The following ZNF415 variants were observed in gnomAD, a reference collection of about 807,000 sequenced individuals.
ZNF415 encodes the protein zinc finger protein 415.
Under a neutral mutation model 7.3 loss-of-function variants are expected in ZNF415, and 5 were observed. The ratio of observed to expected loss-of-function variants is 0.69; its 90% CI spans 0.36 to 1.44. The LOEUF (loss-of-function observed/expected upper bound fraction) is 1.44. ZNF415 is among the 40% of genes most tolerant of loss of function. ZNF415 has a pLI of 0.04. For synonymous variants in ZNF415, 207 were observed against 226.3 expected, an observed-to-expected ratio of 0.91 and a Z score of 0.77; for missense variants, 628 against 664.8, an observed-to-expected ratio of 0.94 and a Z score of 0.61.
chr19:53,130,034 C>A, intron 1 of ZNF415, among the ~76,000 whole-genome samples: 1 of 148,696 alleles, frequency 6.7e-6, no homozygotes, highest in African/African-American at 2.5e-5. Context: ...CACTGTACTC[C>A]AGCCTGGGTG....
chr19:53,127,347 C>T (rs976272598), intron 1 of ZNF415, among the ~76,000 whole-genome samples: 5 of 152,158 alleles, frequency 3.3e-5, no homozygotes, highest in African/African-American at 4.8e-5. Flanking sequence ...AGCCCGGCTA[C>T]GAAATTTCGC....
At position 53,110,776 on chromosome 19, in the gene ZNF415, G is replaced by C. The variant is rs573266080; in HGVS notation, c.137-868C>G. 4.6e-5 allele frequency among the ~76,000 whole-genome samples: 7 copies of C among 152,294 alleles called. No individual in the cohort carries two copies. In the East Asian group the frequency reaches 1.4e-3, roughly 29 times the overall value. The stretch of plus-strand genomic sequence containing the variant: ...AGATCTCTGACATTTGATGCATGAG[G>C]TCAGGTAAACACATAGCATTATAAA... On this transcript the variant is annotated intron_variant, in intron 3 of 3. Transcript: ENST00000243643.
intron 3 of ZNF415, chr19:53,115,344 A>AG (rs898910152): frequency 4.8e-5 from 10 of 209,156 alleles, no homozygotes; most frequent in African/African-American, 2.1e-4. Flanking sequence ...TCAAAAAAAA[A>AG]AGAACAACAG....
rs144066088 is a variant in ZNF415, at chr19:53,109,178, T to C, written c.867A>G (p.Leu289=). 3.8e-4 allele frequency: 619 copies of C among 1,614,092 alleles called. No individual in the cohort carries two copies. Among genetic ancestry groups the C allele is most frequent in the Non-Finnish European group, 4.8e-4 (568 of 1,180,006 alleles). ...TCTCTCCAGTGTGAACTCTCCGATG[T>C]AGTGCAAGGCATGAGTTGCGACTGA... is the stretch of plus-strand genomic sequence containing the variant. ...RSFSRNSCLA[L]HRRVHTGEKP... Residue 289 remains leucine, a synonymous_variant, in exon 4 of 4, where the codon CTA becomes CTG. Coordinates refer to ENST00000243643, the MANE Select transcript of ZNF415 (RefSeq NM_018355.4).
At chr19:53,130,216 T>C (rs1422920480) in intron 1 of ZNF415, among the ~76,000 whole-genome samples, 1 of 152,136 alleles carries the variant, frequency 6.6e-6, no homozygotes, top group Non-Finnish European at 1.5e-5. Context: ...AAGAAGAAAA[T>C]TGAATAATAG....
intron 3 of ZNF415, among the ~76,000 whole-genome samples, chr19:53,114,774 C>G (rs2086754318): frequency 6.6e-6 from 1 of 152,178 alleles, no homozygotes; most frequent in South Asian, 2.1e-4. Flanking sequence ...ACTCCCTCCC[C>G]TGGTCCACAC....
intron 3 of ZNF415, chr19:53,115,697 G>A (rs552321944): frequency 6.5e-7 from 1 of 1,546,944 alleles, no homozygotes; most frequent in African/African-American, 1.4e-5. Flanking sequence ...CTCATCTGAG[G>A]TCTTACCTGT....
chr19:53,118,762 A>G (rs898040328), intron 2 of ZNF415, among the ~76,000 whole-genome samples: 1 of 152,172 alleles, frequency 6.6e-6, no homozygotes, highest in Non-Finnish European at 1.5e-5. Flanking sequence ...AAAAATGGAA[A>G]CACAATATGT....
rs1441857424 is a variant in ZNF415 at position 53,108,377 on chromosome 19, T to C, written c.1668A>G (p.Ter556=). ...HTKEKPYKRN[*] ...AACTTTGACTGAAGACCTTGCCATA[T>C]TAATTTCTTTTATAAGGTTTCTCCT... The change falls in exon 4 of 4, where the codon TAA becomes TAG. Residue 556 remains the stop codon, a stop_retained_variant. Coordinates refer to ENST00000243643, the MANE Select transcript of ZNF415 (RefSeq NM_018355.4). 5.0e-5 allele frequency: 79 copies of C among 1,594,708 alleles called. No individual in the cohort carries two copies. The highest frequency in any genetic ancestry group is 6.5e-5 in the Non-Finnish European group (76 of 1,171,108).
chr19:53,123,889 G>T (rs1320908212), intron 1 of ZNF415: 1 of 256,088 alleles, frequency 3.9e-6, no homozygotes, highest in African/African-American at 2.2e-5. Context: ...AGGGAGTCAG[G>T]AAGTCACTTT....
At position 53,115,839 on chromosome 19, in the gene ZNF415, T is replaced by C. The variant is rs1286508127; in HGVS notation, c.136+474A>G. 4 of 1,508,496 alleles carry C rather than the reference T, an allele frequency of 2.7e-6. No homozygotes were observed. In the African/African-American group the frequency reaches 5.5e-5, roughly 21 times the overall value. 93.4% of individuals were successfully genotyped at this position (1,508,496 alleles called of 1,614,324 possible). On this transcript the variant is annotated intron_variant, in intron 3 of 3. Transcript: ENST00000243643. ...GGTCAGGAAGAGAATTTCCCGCTTA[T>C]AAAATGAATGGAACATGATGTGCTG...
At chr19:53,115,992 T>C in intron 3 of ZNF415, 1 of 626,164 alleles carries the variant, frequency 1.6e-6, no homozygotes, top group Non-Finnish European at 2.8e-6. Flanking sequence ...GACTGTAATA[T>C]GCAAATATCT....
chr19:53,122,447 T>C, intron 2 of ZNF415: 1 of 1,540,816 alleles, frequency 6.5e-7, no homozygotes, highest in Non-Finnish European at 8.7e-7. Context: ...CCCAGGACCA[T>C]GCCCAGTGGA....
At chr19:53,121,137 C>T (rs974608119) in intron 2 of ZNF415, among the ~76,000 whole-genome samples, 22 of 136,210 alleles carry the variant, frequency 1.6e-4, no homozygotes, top group Non-Finnish European at 3.0e-4. Flanking sequence ...GGCTCCCGCC[C>T]GTAATCCCAG....
chr19:53,115,878 A>C, intron 3 of ZNF415: 1 of 1,272,564 alleles, frequency 7.9e-7, no homozygotes, highest in South Asian at 1.3e-5. Flanking sequence ...CTTTTCAAGA[A>C]TCTCAGCCCT....
chr19:53,115,106 C>A, intron 3 of ZNF415: 1 of 155,018 alleles, frequency 6.5e-6, no homozygotes, highest in East Asian at 1.9e-4. Flanking sequence ...GAGGCCGAGA[C>A]GGGCAGATCA....
At chr19:53,123,619 G>A (rs980701851) in intron 1 of ZNF415, 24 of 398,770 alleles carry the variant, frequency 6.0e-5, no homozygotes, top group African/African-American at 2.9e-4. Flanking sequence ...CAGAGGGAGC[G>A]AGGAGGACAC....
At chr19:53,122,404 C>A (rs1489088893) in intron 2 of ZNF415, 1 of 1,536,908 alleles carries the variant, frequency 6.5e-7, no homozygotes, top group Non-Finnish European at 8.7e-7. Context: ...GGACCCTCAC[C>A]CCGTCTCCAT....
intron 2 of ZNF415, among the ~76,000 whole-genome samples, chr19:53,121,256 G>T (rs1397090434): frequency 6.6e-6 from 1 of 150,724 alleles, no homozygotes; most frequent in African/African-American, 2.4e-5. Context: ...ATAGTGGCGG[G>T]TGCCTGTAGT....
Sources: allele counts gnomAD v4.1 joint callset (sites outside exome capture counted in the v4.1 genomes callset), GRCh38; gene constraint gnomAD v4.1.1; transcripts MANE v1.5; gene names NCBI Gene and HGNC (gene_info 2026-07-23, HGNC 2026-07-21).